ADAMTSL1: variants seen among roughly 807,000 people sequenced by gnomAD.
The protein encoded by ADAMTSL1 is ADAMTS like 1, also known as ADAMTS-like protein 1.
ADAMTSL1 carries 126 observed loss-of-function variants against 201.8 expected under a neutral mutation model. That is an observed-to-expected ratio of 0.62 (90% confidence interval 0.54 to 0.72). The LOEUF (loss-of-function observed/expected upper bound fraction) is 0.72, where lower values mean the gene tolerates loss of function less well. Ranked by LOEUF, ADAMTSL1 falls within the 30% of genes least tolerant of loss-of-function variation. The pLI is 0.00. For missense variants in ADAMTSL1, 2,679 were observed against 2,277.8 expected, an observed-to-expected ratio of 1.18 and a Z score of -3.59; for synonymous variants, 1,121 against 903.4, an observed-to-expected ratio of 1.24 and a Z score of -4.32.
At chr9:18,146,923 C>T (rs1437328449) in intron 1 of ADAMTSL1, among the ~76,000 whole-genome samples, 3 of 152,010 alleles carry the variant, frequency 2.0e-5, no homozygotes, top group Non-Finnish European at 4.4e-5. Context: ...TTCATTCTGT[C>T]CCACATTTCT....
intron 1 of ADAMTSL1, among the ~76,000 whole-genome samples, chr9:18,145,052 C>A (rs1826574715): frequency 6.6e-6 from 1 of 152,112 alleles, no homozygotes; most frequent in South Asian, 2.1e-4. Flanking sequence ...TGGCCTCATT[C>A]TAGTTAAGGG....
intron 1 of ADAMTSL1, among the ~76,000 whole-genome samples, chr9:18,124,342 A>G (rs1825643263): frequency 6.6e-6 from 1 of 151,880 alleles, no homozygotes; most frequent in Non-Finnish European, 1.5e-5. Flanking sequence ...CAGCCTCCCA[A>G]AGTGCTAGGA....
intron 1 of ADAMTSL1, among the ~76,000 whole-genome samples, chr9:17,941,322 T>C (rs368092266): frequency 6.6e-6 from 1 of 152,134 alleles, no homozygotes; most frequent in East Asian, 1.9e-4. Flanking sequence ...TTTGGAGTTA[T>C]AAAAATTCAT....
Position 18,088,766 on chromosome 9 carries a change from A to C in ADAMTSL1, c.88-75096A>C, listed in dbSNP as rs1452883107. 2.0e-5 allele frequency among the ~76,000 whole-genome samples: 3 copies of C among 152,328 alleles called. No individual in the cohort carries two copies. The East Asian group carries it at 5.8e-4, about 29-fold the overall frequency. On this transcript the variant is annotated intron_variant, in intron 1 of 29. Transcript: ENST00000680146. ...TTGGTAAGTTTGTGGAGAAATTGAA[A>C]CCTTAGTACAATGTTGACAGGAATG...
chr9:18,179,844 C>T (rs1331952052), intron 2 of ADAMTSL1, among the ~76,000 whole-genome samples: 52 of 151,828 alleles, frequency 3.4e-4, no homozygotes, highest in Admixed American at 3.4e-3. Flanking sequence ...TTGTCACCAC[C>T]AGGCCTGCCC....
chr9:18,642,099 T>C (rs906838646), intron 7 of ADAMTSL1, among the ~76,000 whole-genome samples: 1 of 151,908 alleles, frequency 6.6e-6, no homozygotes, highest in African/African-American at 2.4e-5. Flanking sequence ...ATTCAGAAAG[T>C]GGAATAAACC....
At chr9:18,074,386 C>G (rs892287683) in intron 1 of ADAMTSL1, among the ~76,000 whole-genome samples, 1 of 152,190 alleles carries the variant, frequency 6.6e-6, no homozygotes, top group African/African-American at 2.4e-5. Context: ...AGTATGTTGT[C>G]TGTTCTCAGG....
At chr9:18,352,390 T>A (rs973429873) in intron 2 of ADAMTSL1, among the ~76,000 whole-genome samples, 6 of 152,214 alleles carry the variant, frequency 3.9e-5, no homozygotes, top group African/African-American at 1.4e-4. Context: ...ATCTTCCTTC[T>A]ACCCATCCTA....
chr9:18,323,322 G>A (rs1563886549), intron 2 of ADAMTSL1, among the ~76,000 whole-genome samples: 1 of 152,132 alleles, frequency 6.6e-6, no homozygotes, highest in Non-Finnish European at 1.5e-5. Flanking sequence ...AAAATTATTT[G>A]ACAAAGTACA....
chr9:18,581,530 A>G (rs1182931856), intron 4 of ADAMTSL1, among the ~76,000 whole-genome samples: 1 of 152,174 alleles, frequency 6.6e-6, no homozygotes, highest in African/African-American at 2.4e-5. Context: ...CTGTAACTCT[A>G]AAATATTATC....
At chr9:17,945,725 C>T (rs1156922144) in intron 1 of ADAMTSL1, among the ~76,000 whole-genome samples, 1 of 149,492 alleles carries the variant, frequency 6.7e-6, no homozygotes. Context: ...AACAAAAAAC[C>T]AAACACCGCA....
rs554786781 is a variant in ADAMTSL1 at position 17,914,635 on chromosome 9, C to T, written c.87+7713C>T. ...ACAAGACAGGGATGCCCTCTCTCAC[C>T]ACTCCTATTCAACATAGTGTTGGAA... On this transcript the variant is annotated intron_variant, in intron 1 of 29. Coordinates refer to the ADAMTSL1 transcript ENST00000680146. Among the ~76,000 whole-genome samples the T allele has an allele frequency of 2.6e-4, 40 of 151,648 alleles. No individual in the cohort carries two copies. In the East Asian group the frequency reaches 7.2e-3, roughly 27 times the overall value.
intron 1 of ADAMTSL1, among the ~76,000 whole-genome samples, chr9:18,106,083 T>C (rs1437827173): frequency 6.6e-6 from 1 of 152,188 alleles, no homozygotes; most frequent in Non-Finnish European, 1.5e-5. Flanking sequence ...CTTGCTCTGC[T>C]TGTTCAAAGC....
At chr9:18,711,986 G>C (rs372455407) in intron 14 of ADAMTSL1, among the ~76,000 whole-genome samples, 1,816 of 146,338 alleles carry the variant, frequency 0.012, 5 homozygotes, top group Middle Eastern at 0.031. Context: ...AGCAGGGGCA[G>C]ACTGACACCT....
chr9:18,354,701 C>T (rs1007118824), intron 2 of ADAMTSL1, among the ~76,000 whole-genome samples: 2 of 152,122 alleles, frequency 1.3e-5, no homozygotes, highest in Non-Finnish European at 2.9e-5. Flanking sequence ...GGCGTGGTGG[C>T]TCACACCTGT....
chr9:18,225,938 C>T (rs1359935254), intron 2 of ADAMTSL1, among the ~76,000 whole-genome samples: 3 of 151,832 alleles, frequency 2.0e-5, no homozygotes, highest in Non-Finnish European at 4.4e-5. Flanking sequence ...TAATTTTTTT[C>T]TGTGTAATTA....
chr9:18,442,089 A>G (rs549752962), intron 2 of ADAMTSL1, among the ~76,000 whole-genome samples: 32 of 152,318 alleles, frequency 2.1e-4, no homozygotes, highest in African/African-American at 7.5e-4. Flanking sequence ...CTTGTGTATT[A>G]AAAGTTTCCT....
chr9:18,373,657 A>G (rs1837155480), intron 2 of ADAMTSL1, among the ~76,000 whole-genome samples: 1 of 152,146 alleles, frequency 6.6e-6, no homozygotes, highest in Non-Finnish European at 1.5e-5. Context: ...CACCACTGCC[A>G]ACATCCAGCA....
chr9:18,176,221 C>G (rs1303152924), intron 2 of ADAMTSL1, among the ~76,000 whole-genome samples: 1 of 151,916 alleles, frequency 6.6e-6, no homozygotes, highest in South Asian at 2.1e-4. Context: ...ATCATTTGCC[C>G]TAGCGTATTT....
Sources: gnomAD v4.1 joint callset for allele counts (sites outside exome capture counted in the v4.1 genomes callset) on GRCh38, gnomAD v4.1.1 for gene constraint, MANE v1.5 for transcripts, NCBI Gene and HGNC (gene_info 2026-07-23, HGNC 2026-07-21) for gene names.